Variants in BCKDHB observed in about 807,000 individuals in gnomAD.
BCKDHB encodes the protein branched chain keto acid dehydrogenase E1 subunit beta, also known as 2-oxoisovalerate dehydrogenase subunit beta, mitochondrial.
BCKDHB carries 41 observed loss-of-function variants against 48.5 expected under a neutral mutation model. The observed-to-expected ratio is 0.85, with a 90% CI of 0.66 to 1.10. BCKDHB has a LOEUF of 1.10. BCKDHB is among the 50% of genes least tolerant of loss of function. The probability of loss-of-function intolerance (pLI) is 0.00; values close to 1 mark genes in which losing one functional copy is unlikely to be tolerated. For synonymous variants in BCKDHB, 201 were observed against 174.8 expected, an observed-to-expected ratio of 1.15 and a Z score of -1.18; for missense variants, 496 against 494.2, an observed-to-expected ratio of 1.00 and a Z score of -0.03.
intron 8 of BCKDHB, among the ~76,000 whole-genome samples, chr6:80,245,773 C>G (rs767707865): frequency 2.0e-5 from 3 of 151,958 alleles, no homozygotes; most frequent in Non-Finnish European, 4.4e-5. Context: ...CAAGTATTAT[C>G]CAGTTAGAAA....
chr6:80,432,139 T>A, the BCKDHB span, among the ~76,000 whole-genome samples: 5 of 152,184 alleles, frequency 3.3e-5, no homozygotes, highest in Non-Finnish European at 5.9e-5. Flanking sequence ...TTTCCTTCAT[T>A]TTAATCCTGG....
At chr6:80,230,786 G>C (rs1257496773) in intron 8 of BCKDHB, among the ~76,000 whole-genome samples, 1 of 152,184 alleles carries the variant, frequency 6.6e-6, no homozygotes, top group African/African-American at 2.4e-5. Context: ...GAGAGAGAAG[G>C]AAGGGGGCCA....
At chr6:80,201,750 C>G (rs79839702) in intron 7 of BCKDHB, among the ~76,000 whole-genome samples, 2 of 152,076 alleles carry the variant, frequency 1.3e-5, no homozygotes, top group African/African-American at 4.8e-5. Flanking sequence ...TACCTCCCAA[C>G]TTTTTCTCTG....
intron 3 of BCKDHB, among the ~76,000 whole-genome samples, chr6:80,158,144 T>C (rs1296558380): frequency 6.6e-6 from 1 of 152,204 alleles, no homozygotes; most frequent in Non-Finnish European, 1.5e-5. Flanking sequence ...CACTGAACCC[T>C]TGAAACTAAT....
At chr6:80,347,723 A>C (rs1275291159), downstream of BCKDHB, among the ~76,000 whole-genome samples, 1 of 152,180 alleles carries the variant, frequency 6.6e-6, no homozygotes, top group Non-Finnish European at 1.5e-5. Context: ...TTTCACCTCT[A>C]GTTAGCCCTG....
chr6:80,415,866 ATGT>A, the BCKDHB span, among the ~76,000 whole-genome samples: 1 of 150,464 alleles, frequency 6.6e-6, no homozygotes, highest in Non-Finnish European at 1.5e-5. Flanking sequence ...TTCTTTGTAA[ATGT>A]TGTAGAATTC....
At chr6:80,120,231 T>G (rs1217231207) in intron 1 of BCKDHB, among the ~76,000 whole-genome samples, 1 of 152,206 alleles carries the variant, frequency 6.6e-6, no homozygotes, top group East Asian at 1.9e-4. Context: ...ATGGTGTATA[T>G]GTGCCACATT....
At chr6:80,407,700 A>G in the BCKDHB span, among the ~76,000 whole-genome samples, 6 of 152,106 alleles carry the variant, frequency 3.9e-5, no homozygotes, top group Admixed American at 6.5e-5. Flanking sequence ...TTGCACATTG[A>G]TTTTGTATCC....
intron 9 of BCKDHB, among the ~76,000 whole-genome samples, chr6:80,326,720 T>A (rs1440982717): frequency 6.6e-6 from 1 of 152,128 alleles, no homozygotes; most frequent in Non-Finnish European, 1.5e-5. Context: ...AAACTCCATC[T>A]CTACTAAAAA....
intron 8 of BCKDHB, among the ~76,000 whole-genome samples, chr6:80,260,947 G>C (rs1051814708): frequency 4.6e-5 from 7 of 152,128 alleles, no homozygotes; most frequent in African/African-American, 1.4e-4. Context: ...AATCTGGCCT[G>C]GGGAGACATG....
chr6:80,182,505 G>C (rs1773458784), intron 6 of BCKDHB, among the ~76,000 whole-genome samples: 1 of 152,066 alleles, frequency 6.6e-6, no homozygotes, highest in Non-Finnish European at 1.5e-5. Context: ...TTTTGTTCCT[G>C]AATAAAATTT....
At chr6:80,206,680 G>A (rs1055358111) in intron 8 of BCKDHB, among the ~76,000 whole-genome samples, 8 of 151,878 alleles carry the variant, frequency 5.3e-5, no homozygotes, top group Non-Finnish European at 8.8e-5. Flanking sequence ...GTAGATGATA[G>A]CAATAATGAA....
At chr6:80,271,315 A>G (rs751744649) in intron 8 of BCKDHB, among the ~76,000 whole-genome samples, 8 of 152,084 alleles carry the variant, frequency 5.3e-5, no homozygotes, top group Non-Finnish European at 1.2e-4. Flanking sequence ...ATATTGGTCT[A>G]TTTAGTCATT....
chr6:80,426,260 T>C, the BCKDHB span, among the ~76,000 whole-genome samples: 6 of 152,190 alleles, frequency 3.9e-5, 1 homozygote, highest in Admixed American at 3.9e-4. Context: ...CATTTGGCTA[T>C]CTTGGGCTGG....
the BCKDHB span, among the ~76,000 whole-genome samples, chr6:80,385,526 T>A: frequency 6.6e-6 from 1 of 152,074 alleles, no homozygotes; most frequent in Non-Finnish European, 1.5e-5. Context: ...AGTGGCAACA[T>A]CCCCTCCCCA....
At chr6:80,230,242 G>C (rs905887669) in intron 8 of BCKDHB, among the ~76,000 whole-genome samples, 1 of 151,176 alleles carries the variant, frequency 6.6e-6, no homozygotes, top group Admixed American at 6.6e-5. Context: ...GTTTCACCGT[G>C]TTAGCCAGGA....
the BCKDHB span, among the ~76,000 whole-genome samples, chr6:80,431,483 G>A: frequency 7.2e-5 from 11 of 152,266 alleles, no homozygotes; most frequent in African/African-American, 2.4e-4. Flanking sequence ...CTAAGAACTT[G>A]CTTTATGAAT....
chr6:80,288,517 A>C (rs1314567027), intron 9 of BCKDHB, among the ~76,000 whole-genome samples: 1 of 152,278 alleles, frequency 6.6e-6, no homozygotes, highest in African/African-American at 2.4e-5. Flanking sequence ...ACAGGGATTT[A>C]GAAGCAAATA....
chr6:80,211,947 T>A (rs112264095), intron 8 of BCKDHB, among the ~76,000 whole-genome samples: 11,807 of 151,936 alleles, frequency 0.078, 540 homozygotes, highest in South Asian at 0.1. Flanking sequence ...GATACAAAGA[T>A]CACATGCTTC....
Sources: allele counts gnomAD v4.1 joint callset (sites outside exome capture counted in the v4.1 genomes callset), GRCh38; gene constraint gnomAD v4.1.1; transcripts MANE v1.5; gene names NCBI Gene and HGNC (gene_info 2026-07-23, HGNC 2026-07-21).